DHRSX: variants seen among roughly 807,000 people sequenced by gnomAD.
The protein encoded by DHRSX is polyprenol dehydrogenase.
Under a neutral mutation model 34.0 loss-of-function variants are expected in DHRSX, and 31 were observed. That is an observed-to-expected ratio of 0.91 (90% CI 0.69 to 1.23). DHRSX has a LOEUF of 1.23. Among genes scored for constraint, DHRSX ranks in the 50% most tolerant of loss-of-function variants. DHRSX has a pLI of 0.00. For missense variants in DHRSX, 414 were observed against 428.1 expected (o/e 0.97, Z 0.29); for synonymous variants, 201 against 183.8 (o/e 1.09, Z -0.76).
intron 1 of DHRSX, chrX:2,488,688 C>G: frequency 6.2e-7 from 1 of 1,613,646 alleles, no homozygotes; most frequent in Non-Finnish European, 8.5e-7. Context: ...ACGCCATCCC[C>G]CAAGGAGAAC....
intron 3 of DHRSX, among the ~76,000 whole-genome samples, chrX:2,295,831 C>T (rs1277098472): frequency 6.6e-6 from 1 of 152,116 alleles, no homozygotes. Flanking sequence ...CACGCGGTTC[C>T]GGCATGTGGC....
At chrX:2,243,613 A>G (rs961767342) in intron 5 of DHRSX, among the ~76,000 whole-genome samples, 2 of 151,576 alleles carry the variant, frequency 1.3e-5, no homozygotes. Context: ...CAGCCTCCCC[A>G]GTAGCTGGGA....
chrX:2,362,427 A>G (rs1290131983), intron 3 of DHRSX, among the ~76,000 whole-genome samples: 1 of 152,092 alleles, frequency 6.6e-6, no homozygotes, highest in Non-Finnish European at 1.5e-5. Flanking sequence ...CAGCCTCCCA[A>G]GTAGCTGGGA....
chrX:2,308,960 C>T (rs967966009), intron 3 of DHRSX, among the ~76,000 whole-genome samples: 1 of 151,938 alleles, frequency 6.6e-6, no homozygotes, highest in African/African-American at 2.4e-5. Context: ...GCAGGAAATG[C>T]AAACTTACAA....
At chrX:2,459,258 C>G in intron 1 of DHRSX, among the ~76,000 whole-genome samples, 1 of 151,856 alleles carries the variant, frequency 6.6e-6, no homozygotes, top group Non-Finnish European at 1.5e-5. Flanking sequence ...TTCAAAATGA[C>G]TAAAACTAGA....
chrX:2,229,573 T>TGC (rs1475610565), intron 6 of DHRSX, among the ~76,000 whole-genome samples: 1 of 151,874 alleles, frequency 6.6e-6, no homozygotes, highest in South Asian at 2.1e-4. Context: ...TGTGTGTGTG[T>TGC]GCACAGATAT....
At chrX:2,300,758 T>C (rs1453213747) in intron 3 of DHRSX, among the ~76,000 whole-genome samples, 1 of 152,110 alleles carries the variant, frequency 6.6e-6, no homozygotes, top group Non-Finnish European at 1.5e-5. Flanking sequence ...TAATACTGAA[T>C]AAACCCCCCT....
At chrX:2,266,343 C>G (rs1432040829) in intron 5 of DHRSX, among the ~76,000 whole-genome samples, 6 of 135,130 alleles carry the variant, frequency 4.4e-5, no homozygotes, top group Admixed American at 3.0e-4. Context: ...GGAGCACTGT[C>G]CCCAGAGCAC....
At chrX:2,242,979 A>T (rs2016175652) in intron 6 of DHRSX, 44 bp downstream of exon 6, 2 of 1,584,264 alleles carry the variant, frequency 1.3e-6, no homozygotes, top group Non-Finnish European at 1.7e-6. Context: ...TTCCTGTAGC[A>T]TCTTCAGGTG....
intron 1 of DHRSX, among the ~76,000 whole-genome samples, chrX:2,472,693 C>T (rs1193929999): frequency 6.6e-6 from 1 of 152,064 alleles, no homozygotes; most frequent in East Asian, 1.9e-4. Context: ...CCTTGGAACC[C>T]GGGAGACGGA....
intron 5 of DHRSX, among the ~76,000 whole-genome samples, chrX:2,263,942 C>T (rs2041401088): frequency 6.6e-6 from 1 of 152,192 alleles, no homozygotes; most frequent in South Asian, 2.1e-4. Flanking sequence ...CAGTACATTG[C>T]GTGTCGACAG....
intron 3 of DHRSX, among the ~76,000 whole-genome samples, chrX:2,362,483 T>C (rs1207101120): frequency 3.3e-5 from 5 of 152,172 alleles, no homozygotes; most frequent in Non-Finnish European, 5.9e-5. Flanking sequence ...GTATTTTTAG[T>C]AGAGATGGGG....
At chrX:2,386,678 G>A (rs2043276138) in intron 3 of DHRSX, among the ~76,000 whole-genome samples, 2 of 152,146 alleles carry the variant, frequency 1.3e-5, no homozygotes, top group South Asian at 4.1e-4. Flanking sequence ...CCAGGAGGAG[G>A]TAATCAAATA....
At chrX:2,476,464 G>GA (rs1216364796) in intron 1 of DHRSX, among the ~76,000 whole-genome samples, 1 of 151,660 alleles carries the variant, frequency 6.6e-6, no homozygotes, top group Admixed American at 6.6e-5. Flanking sequence ...TCTACACTGT[G>GA]AAAAAAATAT....
chrX:2,474,332 G>A (rs1330470779), intron 1 of DHRSX, among the ~76,000 whole-genome samples: 1 of 152,000 alleles, frequency 6.6e-6, no homozygotes, highest in Admixed American at 6.6e-5. Flanking sequence ...CTGCCACCAT[G>A]TACACACTGA....
At chrX:2,445,297 C>T (rs980574263) in intron 1 of DHRSX, among the ~76,000 whole-genome samples, 1 of 152,164 alleles carries the variant, frequency 6.6e-6, no homozygotes, top group African/African-American at 2.4e-5. Flanking sequence ...CCAGGAACTG[C>T]GTACCACCTA....
At chrX:2,477,523 T>G in intron 1 of DHRSX, among the ~76,000 whole-genome samples, 1 of 152,152 alleles carries the variant, frequency 6.6e-6, no homozygotes, top group East Asian at 1.9e-4. Context: ...AAACAGTTTA[T>G]CTGTGAGTTT....
At chrX:2,362,701 G>A (rs1603007679) in intron 3 of DHRSX, among the ~76,000 whole-genome samples, 1 of 152,156 alleles carries the variant, frequency 6.6e-6, no homozygotes, top group African/African-American at 2.4e-5. Context: ...ATTTCTGGGT[G>A]TCTAATCCCA....
At chrX:2,491,981 G>A (rs1045412737) in intron 1 of DHRSX, among the ~76,000 whole-genome samples, 25 of 152,196 alleles carry the variant, frequency 1.6e-4, no homozygotes, top group African/African-American at 5.8e-4. Context: ...TTTGTTAAAA[G>A]GTGTAATTGT....
Sources: gnomAD v4.1 joint callset for allele counts (sites outside exome capture counted in the v4.1 genomes callset) on GRCh38, gnomAD v4.1.1 for gene constraint, MANE v1.5 for transcripts, NCBI Gene and HGNC (gene_info 2026-07-23, HGNC 2026-07-21) for gene names.